The following HECTD3 variants were observed in gnomAD, a reference collection of about 807,000 sequenced individuals.
HECTD3 encodes the protein E3 ubiquitin-protein ligase HECTD3.
In HECTD3, 72 loss-of-function variants were observed where a neutral mutation model predicts 109.3. That is an observed-to-expected ratio of 0.66 (90% CI 0.54 to 0.80). The LOEUF is 0.80. Among genes scored for constraint, HECTD3 ranks in the 30% least tolerant of loss-of-function variants. HECTD3 has a pLI of 0.00. For missense variants in HECTD3, 1,041 were observed against 1,165.2 expected, an observed-to-expected ratio of 0.89 and a Z score of 1.55; for synonymous variants, 481 against 471.8, an observed-to-expected ratio of 1.02 and a Z score of -0.25.
intron 3 of HECTD3, 28 bp from the exon 4 acceptor site, chr1:45,010,149 C>T (rs1292205377): frequency 6.2e-7 from 1 of 1,613,702 alleles, no homozygotes; most frequent in Non-Finnish European, 8.5e-7. Flanking sequence ...CCTAATTAGA[C>T]TGGGCCCAGA....
At position 45,010,706 on chromosome 1, in the gene HECTD3, C is replaced by G. The variant is rs1362982742; in HGVS notation, c.370G>C (p.Glu124Gln). 1 of 1,544,416 alleles carries G rather than the reference C, an allele frequency of 6.5e-7. No homozygotes were observed. The highest frequency in any genetic ancestry group is 1.9e-5 in the Admixed American group (1 of 52,498). Residue 124 changes from glutamate to glutamine, a missense_variant and splice_region_variant, in exon 2 of 21, where the codon GAG becomes CAG. Coordinates refer to ENST00000372172, the MANE Select transcript of HECTD3 (RefSeq NM_024602.6). Reference protein sequence around the residue: ...GHGLWVKLTKEQLAEHLGDCG... With the variant: ...GHGLWVKLTKQQLAEHLGDCG... ...TCGCCCAGGTGCTCTGCCAGCTGCT[C>G]CTGCCGGGACGCGTAGGATGGGGAC...
rs1278053136 is a variant in HECTD3, at chr1:45,008,704, G to A, written c.1073-3C>T. On this transcript the variant is annotated splice_region_variant and splice_polypyrimidine_tract_variant and intron_variant, in intron 7 of 20. Transcript: ENST00000372172. ...GAGACGAACATCAATCCCATCATCT[G>A]GGGGAAGGGGTCAGAGTAAGGTCAT... 5.6e-6 allele frequency: 9 copies of A among 1,612,534 alleles called. No homozygotes were observed. The highest frequency in any genetic ancestry group is 4.0e-5 in the African/African-American group (3 of 74,854).
chr1:45,004,399 T>A (rs1161407796), intron 16 of HECTD3, 22 bp from the exon 17 acceptor site: 1 of 1,613,836 alleles, frequency 6.2e-7, no homozygotes, highest in Non-Finnish European at 8.5e-7. Flanking sequence ...GTAAAAAGGC[T>A]TGGCTGGGGA....
chr1:45,009,851 G>T, intron 4 of HECTD3, 135 bp downstream of exon 4: 1 of 1,213,938 alleles, frequency 8.2e-7, no homozygotes, highest in Non-Finnish European at 1.2e-6. Flanking sequence ...AGACGTCCAA[G>T]ATGGGGAGCT....
At chr1:45,008,063 TG>T (rs377059910) in intron 9 of HECTD3, among the ~76,000 whole-genome samples, 176 bp downstream of exon 9, 16 of 152,354 alleles carry the variant, frequency 1.1e-4, no homozygotes, top group Non-Finnish European at 2.1e-4. Context: ...CCAAGGAGGC[TG>T]GGGAACAGCC....
At chr1:45,008,800 C>T (rs553821815) in intron 7 of HECTD3, 99 bp from the exon 8 acceptor site, 32 of 1,166,884 alleles carry the variant, frequency 2.7e-5, no homozygotes, top group Non-Finnish European at 3.7e-5. Flanking sequence ...CTTGTGTCAC[C>T]GTTAGCCCCT....
At chr1:45,009,945 G>A (rs1644769532) in intron 4 of HECTD3, 41 bp downstream of exon 4, 1 of 1,517,582 alleles carries the variant, frequency 6.6e-7, no homozygotes, top group Non-Finnish European at 8.8e-7. Flanking sequence ...TGAGGGGTGT[G>A]ACTATATCTT....
rs751317895 is a variant in HECTD3, at chr1:45,005,775, G to C, written c.1935+19C>G. ...TTAGGGGCTGGGCAGAGGAAACACT[G>C]GTTCCAGGTCCTACTCACCAGCACA... is the stretch of plus-strand genomic sequence containing the variant. On this transcript the variant is annotated intron_variant, in intron 15 of 20. Coordinates refer to ENST00000372172, the MANE Select transcript of HECTD3 (RefSeq NM_024602.6). 1 of 1,561,638 alleles carries C rather than the reference G, an allele frequency of 6.4e-7. No homozygotes were observed. Among genetic ancestry groups the C allele is most frequent in the Non-Finnish European group, 8.6e-7 (1 of 1,156,460 alleles).
chr1:45,004,448 T>C, intron 16 of HECTD3, 71 bp from the exon 17 acceptor site: 9 of 1,610,082 alleles, frequency 5.6e-6, no homozygotes, highest in South Asian at 1.1e-5. Flanking sequence ...GGGGCATCAC[T>C]GTGGCCTTTT....
In HECTD3 at chr1:45,004,327, C is replaced by T. The variant is rs898755735; in HGVS notation, c.2193G>A (p.Leu731=). Residue 731 remains leucine, a synonymous_variant, in exon 17 of 21, where the codon CTG becomes CTA. Coordinates refer to ENST00000372172, the MANE Select transcript of HECTD3 (RefSeq NM_024602.6). ...CCAACTCTTGCCAGGTCAGCAAGTC[C>T]AGCACAGCCTGTGGTACCACCTTCA... ...GLLKVVPQAV[L]DLLTWQELEK... is the part of the protein sequence containing the mutation. 4 of 1,613,958 alleles carry T rather than the reference C, an allele frequency of 2.5e-6. No homozygotes were observed. Among genetic ancestry groups the T allele is most frequent in the African/African-American group, 2.7e-5 (2 of 74,940 alleles).
chr1:45,006,462 C>T lies in HECTD3; in HGVS notation c.1725+230G>A, dbSNP rs1397588942. On this transcript the variant is annotated intron_variant, in intron 13 of 20. Coordinates refer to ENST00000372172, the MANE Select transcript of HECTD3 (RefSeq NM_024602.6). The surrounding 1 kb of genome is among the most constrained non-coding windows in gnomAD (Gnocchi z 4.7). ...CTGGGACTACAGGCGCGTGCCACCA[C>T]GCCCGGCTAATTTTTTATTTTTATA... Among the ~76,000 whole-genome samples, 10 of 152,120 alleles carry T rather than the reference C, an allele frequency of 6.6e-5. No individual in the cohort carries two copies. The highest frequency in any genetic ancestry group is 1.9e-4 in the East Asian group (1 of 5,188).
Position 45,006,737 on chromosome 1 carries a change from C to T in HECTD3, c.1680G>A (p.Ala560=), listed in dbSNP as rs201286126. The T allele has an allele frequency of 3.8e-4, 619 of 1,613,720 alleles. 3 individuals are homozygous for T. Among genetic ancestry groups the T allele is most frequent in the Non-Finnish European group, 4.5e-4 (534 of 1,179,822 alleles). Residue 560 remains alanine, a synonymous_variant, in exon 13 of 21, where the codon GCG becomes GCA. Coordinates refer to ENST00000372172, the MANE Select transcript of HECTD3 (RefSeq NM_024602.6). The surrounding 1 kb of genome is among the most constrained non-coding windows in gnomAD (Gnocchi z 4.7). ...AGAAGGGCAGGGGCACGGGGGTATC[C>T]GCTGAGCTAGGGCACAGCTCTTCTG... is the stretch of plus-strand genomic sequence containing the variant. ...DMSEELCPSS[A]DTPVPLPFFV...
rs2148978844 is a variant in HECTD3, at chr1:45,009,588, C to T, written c.855G>A (p.Met285Ile). 1 of 1,613,702 alleles carries T rather than the reference C, an allele frequency of 6.2e-7. No homozygotes were observed. The highest frequency in any genetic ancestry group is 2.2e-5 in the East Asian group (1 of 44,868). Residue 285 changes from methionine to isoleucine, a missense_variant, in exon 5 of 21, where the codon ATG becomes ATA. Transcript: ENST00000372172. ...CTTACTTGACAATGGTGCCCTTCTTCATAGTAAGCCGTACCCAGTGTTGGC... is the reference window on the plus strand; with the variant it reads ...CTTACTTGACAATGGTGCCCTTCTTTATAGTAAGCCGTACCCAGTGTTGGC... ...SQCQHWVRLT[M>I]KKGTIVKKLL...
intron 2 of HECTD3, 98 bp downstream of exon 2, chr1:45,010,448 C>T: frequency 6.5e-7 from 1 of 1,538,818 alleles, no homozygotes. Flanking sequence ...CCTGCCTCCG[C>T]TCCAGTATCC....
chr1:45,003,829 C>T lies in HECTD3; in HGVS notation c.2429+26G>A, dbSNP rs753219116. 3.1e-6 allele frequency: 5 copies of T among 1,612,582 alleles called. No individual in the cohort carries two copies. In the Admixed American group the frequency reaches 5.0e-5, roughly 16 times the overall value. On this transcript the variant is annotated intron_variant, in intron 19 of 20. Transcript: ENST00000372172. This position sits in a 1 kb window ranked among gnomAD's most constrained non-coding sequence, Gnocchi z 4.7. ...GGGAGGACAGAAGGCGGCCATGGCA[C>T]CTTCAGGCCTCCCTCCAGCACTCAC...
chr1:45,008,827 C>T (rs532880216), intron 7 of HECTD3, 126 bp from the exon 8 acceptor site: 13 of 823,942 alleles, frequency 1.6e-5, no homozygotes, highest in South Asian at 3.2e-5. Flanking sequence ...TCGGGACCTT[C>T]GGGATCACCT....
Position 45,003,854 on chromosome 1 carries a change from C to A in HECTD3, c.2429+1G>T, listed in dbSNP as rs752079318. On this transcript the variant is annotated splice_donor_variant, in intron 19 of 20. Transcript: ENST00000372172. LOFTEE classifies it high-confidence loss of function. This position sits in a 1 kb window ranked among gnomAD's most constrained non-coding sequence, Gnocchi z 4.7. ...CCTTCAGGCCTCCCTCCAGCACTCA[C>A]CCCAGCTTGTCTGGGTAGATGTAGA... is the stretch of plus-strand genomic sequence containing the variant. 3 of 1,612,672 alleles carry A rather than the reference C, an allele frequency of 1.9e-6. 1 individual carries two copies. The highest frequency in any genetic ancestry group is 2.7e-5 in the African/African-American group (2 of 74,880).
At chr1:45,008,364 C>G in intron 8 of HECTD3, 43 bp from the exon 9 acceptor site, 2 of 1,552,492 alleles carry the variant, frequency 1.3e-6, no homozygotes, top group Non-Finnish European at 1.8e-6. Flanking sequence ...TTTAGCATAC[C>G]TGTAACACCC....
At position 45,004,062 on chromosome 1, in the gene HECTD3, T is replaced by C; in HGVS notation, c.2345A>G (p.Asn782Ser). 2 of 1,613,986 alleles carry C rather than the reference T, an allele frequency of 1.2e-6. No individual in the cohort carries two copies. Among genetic ancestry groups the C allele is most frequent in the Non-Finnish European group, 8.5e-7 (1 of 1,179,980 alleles). ...TCACCCTGCCCTCCTCCACTGACCG[T>C]TGGTGAAGTTGTTCAGTGCCTCCCA... is the stretch of plus-strand genomic sequence containing the variant. ...YFWEALNNFT[N>S]EDRSRFLRFV... Residue 782 changes from asparagine to serine, a missense_variant and splice_region_variant, in exon 18 of 21, where the codon AAC becomes AGC. Asn to Ser is a conservative substitution (Grantham distance 46, BLOSUM62 1). This residue lies in a region of HECTD3 where 569 missense variants were observed against 715.3 expected (regional missense o/e 0.80). Transcript: ENST00000372172.
Sources: gnomAD v4.1 joint callset for allele counts (sites outside exome capture counted in the v4.1 genomes callset) on GRCh38, gnomAD v4.1.1 for gene constraint, gnomAD v4.1.1 regional missense constraint, Gnocchi (gnomAD v3.1) non-coding constraint, MANE v1.5 for transcripts, NCBI Gene and HGNC (gene_info 2026-07-23, HGNC 2026-07-21) for gene names.